The following CKMT1B variants were observed in gnomAD, a reference collection of about 807,000 sequenced individuals.
CKMT1B encodes the protein creatine kinase, mitochondrial 1B, also known as creatine kinase U-type, mitochondrial.
CKMT1B carries 13 observed loss-of-function variants against 21.8 expected under a neutral mutation model. The observed-to-expected ratio is 0.60, with a 90% CI of 0.39 to 0.95. The LOEUF (loss-of-function observed/expected upper bound fraction) is 0.95, where lower values mean the gene tolerates loss of function less well. Among genes scored for constraint, CKMT1B ranks in the 40% least tolerant of loss-of-function variants. The pLI is 0.00. For missense variants in CKMT1B, 157 were observed against 227.5 expected, an observed-to-expected ratio of 0.69 and a Z score of 1.99; for synonymous variants, 50 against 80.3, an observed-to-expected ratio of 0.62 and a Z score of 2.02.
Position 43,598,970 on chromosome 15 carries a change from T to G in CKMT1B, c.1137+18T>G. The G allele has an allele frequency of 6.2e-7, 1 of 1,610,672 alleles. No homozygotes were observed. Among genetic ancestry groups the G allele is most frequent in the South Asian group, 1.1e-5 (1 of 90,800 alleles). On this transcript the variant is annotated intron_variant, in intron 8 of 8. Transcript: ENST00000441322. ...AATCAGAGGTGAGATCCTAAGGGATTAGGACAAGGAGAGGTATAGGTCTGC... is the reference window on the plus strand; with the variant it reads ...AATCAGAGGTGAGATCCTAAGGGATGAGGACAAGGAGAGGTATAGGTCTGC...
chr15:43,597,708 A>C (rs1277579645), intron 6 of CKMT1B: 1 of 1,020,682 alleles, frequency 9.8e-7, no homozygotes, highest in Non-Finnish European at 1.2e-6. Context: ...CTCTGTTTTC[A>C]TCTTTCTCTG....
chr15:43,597,492 T>C, intron 6 of CKMT1B: 1 of 1,267,338 alleles, frequency 7.9e-7, no homozygotes, highest in Non-Finnish European at 1.0e-6. Flanking sequence ...CCCCCCATGT[T>C]CAGCATGTAA....
intron 7 of CKMT1B, 34 bp from the exon 8 acceptor site, chr15:43,598,793 T>C (rs571311617): frequency 3.2e-6 from 5 of 1,586,020 alleles, no homozygotes; most frequent in African/African-American, 2.8e-5. Flanking sequence ...TCTGCCTCTA[T>C]TGACCCTGCT....
chr15:43,598,421 G>C, intron 7 of CKMT1B, 94 bp downstream of exon 7: 1 of 1,581,070 alleles, frequency 6.3e-7, no homozygotes, highest in Non-Finnish European at 8.6e-7. Flanking sequence ...AGCCAAACAT[G>C]TTGTGGCTAA....
chr15:43,599,363 C>A lies in CKMT1B; in HGVS notation c.*90C>A, dbSNP rs936775425. 1.3e-6 allele frequency: 2 copies of A among 1,599,412 alleles called. No individual in the cohort carries two copies. The highest frequency in any genetic ancestry group is 3.4e-5 in the Admixed American group (2 of 59,524). Reference sequence around the variant, plus strand: ...TCTACTTGCTCTGGACCTGCCCCCGCATCCCCTGCCTCCATCCTAGTAAAG... The same window carrying A: ...TCTACTTGCTCTGGACCTGCCCCCGAATCCCCTGCCTCCATCCTAGTAAAG... On this transcript the variant is annotated 3_prime_UTR_variant, in exon 9 of 9. Coordinates refer to ENST00000441322, the MANE Select transcript of CKMT1B (RefSeq NM_001375484.1).
chr15:43,599,118 C>T (rs377126813), intron 8 of CKMT1B, 39 bp from the exon 9 acceptor site: 67 of 1,611,506 alleles, frequency 4.2e-5, no homozygotes, highest in Admixed American at 1.7e-4. Flanking sequence ...AAGAAAAACT[C>T]AGACTGTAGG....
intron 6 of CKMT1B, chr15:43,597,583 C>G: frequency 1.0e-6 from 1 of 1,000,968 alleles, no homozygotes; most frequent in Non-Finnish European, 1.3e-6. Flanking sequence ...TTGTGACCAT[C>G]ATTCTGCTAG....
rs1024322064 is a variant in CKMT1B, at chr15:43,597,570, T to C, written c.877-623T>C. On this transcript the variant is annotated intron_variant, in intron 6 of 8. Coordinates refer to ENST00000441322, the MANE Select transcript of CKMT1B (RefSeq NM_001375484.1). ...TCCCTTTACTCATGTTGGGTTGTGGTCTTTGTGACCATCATTCTGCTAGAT... is the reference window on the plus strand; with the variant it reads ...TCCCTTTACTCATGTTGGGTTGTGGCCTTTGTGACCATCATTCTGCTAGAT... 40 of 1,041,386 alleles carry C rather than the reference T, an allele frequency of 3.8e-5. 1 individual carries two copies. The highest frequency in any genetic ancestry group is 4.9e-5 in the Non-Finnish European group (40 of 813,178). The allele number at this position is 1,041,386 out of a possible 1,614,324, so 64.5% of individuals were successfully genotyped here.
At chr15:43,597,918 T>C (rs75726580) in intron 6 of CKMT1B, 103,296 of 1,342,220 alleles carry the variant, frequency 0.077, 5,282 homozygotes, top group Non-Finnish European at 0.086. Context: ...TTCATTTCCC[T>C]AGATCATCCT....
At chr15:43,596,592 A>G in intron 6 of CKMT1B, 61 bp downstream of exon 6, 1 of 1,605,230 alleles carries the variant, frequency 6.2e-7, no homozygotes, top group Non-Finnish European at 8.5e-7. Flanking sequence ...AAAGAGTAGC[A>G]TAAATAGATT....
At chr15:43,597,545 T>A (rs1264558170) in intron 6 of CKMT1B, 1 of 1,135,212 alleles carries the variant, frequency 8.8e-7, no homozygotes, top group Non-Finnish European at 1.1e-6. Context: ...ATAAAGAGGA[T>A]CCCTTTACTC....
rs201676656 is a variant in CKMT1B, at chr15:43,598,996, G to A, written c.1137+44G>A. On this transcript the variant is annotated intron_variant, in intron 8 of 8. Coordinates refer to ENST00000441322, the MANE Select transcript of CKMT1B (RefSeq NM_001375484.1). The stretch of plus-strand genomic sequence containing the variant: ...AGGACAAGGAGAGGTATAGGTCTGC[G>A]AGGGCCGAAATATGGCAGTGAGTGA... 55 of 1,607,622 alleles carry A rather than the reference G, an allele frequency of 3.4e-5. 1 individual carries two copies. In the Middle Eastern group the frequency reaches 5.0e-4, roughly 14 times the overall value.
rs542229730 is a variant in CKMT1B, at chr15:43,597,200, A to G, written c.876+669A>G. 6.6e-4 allele frequency among the ~76,000 whole-genome samples: 92 copies of G among 138,642 alleles called. 4 individuals carry two copies. Among genetic ancestry groups the G allele is most frequent in the African/African-American group, 2.7e-3 (88 of 33,052 alleles). 91.0% of individuals were successfully genotyped at this position (138,642 alleles called of 152,430 possible). A position where few individuals can be genotyped will look rare whatever the true frequency, so the allele number is the denominator to read the frequency against. On this transcript the variant is annotated intron_variant, in intron 6 of 8. Transcript: ENST00000441322. Reference sequence around the variant, plus strand: ...TGTATGTTCTCAAACATACAGTTCTATTTTAGGTTTGCAAAGAAAAAGAGC... The same window carrying G: ...TGTATGTTCTCAAACATACAGTTCTGTTTTAGGTTTGCAAAGAAAAAGAGC...
chr15:43,598,421 G>A (rs555601064), intron 7 of CKMT1B, 94 bp downstream of exon 7: 44 of 1,581,070 alleles, frequency 2.8e-5, no homozygotes, highest in Non-Finnish European at 3.8e-5. Context: ...AGCCAAACAT[G>A]TTGTGGCTAA....
intron 7 of CKMT1B, 83 bp from the exon 8 acceptor site, chr15:43,598,744 C>T (rs974742255): frequency 2.7e-6 from 4 of 1,488,522 alleles, no homozygotes; most frequent in Non-Finnish European, 3.6e-6. Context: ...GGAGACAGAG[C>T]TCTGAGCAGG....
At chr15:43,596,376 C>T in intron 5 of CKMT1B, 32 bp from the exon 6 acceptor site, 1 of 1,506,982 alleles carries the variant, frequency 6.6e-7, no homozygotes, top group Non-Finnish European at 8.9e-7. Flanking sequence ...TCTTGCCTTG[C>T]CTCTTGATCA....
chr15:43,598,415 A>G, intron 7 of CKMT1B, 88 bp downstream of exon 7: 1 of 1,588,974 alleles, frequency 6.3e-7, no homozygotes, highest in South Asian at 1.1e-5. Flanking sequence ...GAAAGGAGCC[A>G]AACATGTTGT....
In CKMT1B at chr15:43,598,222, G is replaced by C. The variant is rs774150957; in HGVS notation, c.906G>C (p.Trp302Cys). The stretch of plus-strand genomic sequence containing the variant: ...AGAGACTTATCCAAGAACGTGGCTG[G>C]GAGTTCATGTGGAATGAGCGTTTGG... ...EVERLIQERG[W>C]EFMWNERLGY... Residue 302 changes from tryptophan (W) to cysteine (C), a missense_variant, in exon 7 of 9, where the codon TGG (tryptophan) becomes TGC (cysteine). Coordinates refer to ENST00000441322, the MANE Select transcript of CKMT1B (RefSeq NM_001375484.1). 6.2e-7 allele frequency: 1 copy of C among 1,608,218 alleles called. No individual in the cohort carries two copies. The highest frequency in any genetic ancestry group is 8.5e-7 in the Non-Finnish European group (1 of 1,179,626).
In CKMT1B at chr15:43,596,522, C is replaced by A. The variant is rs1478965459; in HGVS notation, c.867C>A (p.Gly289=). ...MKRVFERFCR[G]LKEVERLIQE... is the part of the protein sequence containing the mutation. ...GAGTGTTTGAAAGATTCTGCCGAGG[C>A]CTCAAAGAGGTTAGAGAAGACTATG... Residue 289 remains glycine (G), a synonymous_variant, in exon 6 of 9, where the codon GGC becomes GGA. Transcript: ENST00000441322. 1.9e-6 allele frequency: 3 copies of A among 1,607,274 alleles called. No homozygotes were observed. Among genetic ancestry groups the A allele is most frequent in the Non-Finnish European group, 2.5e-6 (3 of 1,179,308 alleles).
Sources: allele counts gnomAD v4.1 joint callset (sites outside exome capture counted in the v4.1 genomes callset), GRCh38; gene constraint gnomAD v4.1.1; transcripts MANE v1.5; gene names NCBI Gene and HGNC (gene_info 2026-07-23, HGNC 2026-07-21).